ATP9B: variants seen among roughly 807,000 people sequenced by gnomAD.
ATP9B encodes the protein probable phospholipid-transporting ATPase IIB.
A neutral mutation model predicts 146.1 loss-of-function variants in ATP9B; 110 were observed. The observed-to-expected ratio is 0.75, with a 90% CI of 0.65 to 0.88. The LOEUF (loss-of-function observed/expected upper bound fraction) is 0.88, where lower values mean the gene tolerates loss of function less well. Ranked by LOEUF, ATP9B falls within the 40% of genes least tolerant of loss-of-function variation. ATP9B has a pLI of 0.00. For missense variants in ATP9B, 1,499 were observed against 1,496.4 expected (o/e 1.00, Z -0.03); for synonymous variants, 604 against 569.7 (o/e 1.06, Z -0.86).
At chr18:79,076,574 A>C (rs2072644556) in intron 1 of ATP9B, among the ~76,000 whole-genome samples, 1 of 147,574 alleles carries the variant, frequency 6.8e-6, no homozygotes, top group South Asian at 2.1e-4. Flanking sequence ...TACTACTTTC[A>C]AGCATTTTTT....
At chr18:79,125,882 G>A (rs1263059127) in intron 4 of ATP9B, among the ~76,000 whole-genome samples, 1 of 152,126 alleles carries the variant, frequency 6.6e-6, no homozygotes, top group East Asian at 1.9e-4. Flanking sequence ...AAAAATTTAA[G>A]TGCAGAAATT....
rs185251958 is a variant in ATP9B, at chr18:79,109,468, A to T, written c.294-887A>T. Among the ~76,000 whole-genome samples the T allele has an allele frequency of 5.9e-5, 9 of 152,232 alleles. No homozygotes were observed. In the East Asian group the frequency reaches 1.7e-3, roughly 29 times the overall value. On this transcript the variant is annotated intron_variant, in intron 2 of 29. Transcript: ENST00000426216. ...TAAAATTAAAATATTTACTGCATAG[A>T]TGAAGAGAGCTATGTGGAAATACAG...
At chr18:79,091,370 G>A (rs1267656275) in intron 1 of ATP9B, among the ~76,000 whole-genome samples, 1 of 152,096 alleles carries the variant, frequency 6.6e-6, no homozygotes, top group African/African-American at 2.4e-5. Context: ...GATTGCTTTG[G>A]GTAGTATGGA....
intron 6 of ATP9B, among the ~76,000 whole-genome samples, chr18:79,149,133 G>A (rs1477917785): frequency 6.6e-6 from 1 of 152,148 alleles, no homozygotes; most frequent in Admixed American, 6.5e-5. Context: ...AGTCTCAGCA[G>A]GGTTTTTTTC....
At chr18:79,317,569 A>G (rs562144864) in intron 15 of ATP9B, among the ~76,000 whole-genome samples, 1 of 152,336 alleles carries the variant, frequency 6.6e-6, no homozygotes, top group South Asian at 2.1e-4. Context: ...GGGGTCTAAT[A>G]CAGAAAAAAT....
At chr18:79,224,592 G>C (rs925280283) in intron 11 of ATP9B, among the ~76,000 whole-genome samples, 7 of 152,170 alleles carry the variant, frequency 4.6e-5, no homozygotes, top group Non-Finnish European at 1.0e-4. Context: ...CAGGTCACGT[G>C]TGTGCTGTGT....
At chr18:79,293,262 GA>G (rs2096524818) in intron 13 of ATP9B, among the ~76,000 whole-genome samples, 1 of 151,978 alleles carries the variant, frequency 6.6e-6, no homozygotes, top group African/African-American at 2.4e-5. Flanking sequence ...TCAGCTTTGA[GA>G]AAGTATTCTA....
chr18:79,321,422 G>A (rs1209125038), intron 15 of ATP9B, among the ~76,000 whole-genome samples: 1 of 146,210 alleles, frequency 6.8e-6, no homozygotes, highest in Non-Finnish European at 1.5e-5. Context: ...TCGCTCTATT[G>A]CCCAGGCTGG....
chr18:79,269,849 A>G (rs557611348), intron 12 of ATP9B, among the ~76,000 whole-genome samples: 2 of 152,350 alleles, frequency 1.3e-5, no homozygotes, highest in Non-Finnish European at 2.9e-5. Context: ...AAGCAGGCTC[A>G]CTGGCCTGCG....
At position 79,377,571 on chromosome 18, in the gene ATP9B, C is replaced by T; in HGVS notation, c.*188C>T. ...CTCCTTCTCAGTGCAGGGACGTCAC[C>T]CCTGCCAGGCAAGCCCAGGGCACAG... On this transcript the variant is annotated 3_prime_UTR_variant, in exon 30 of 30. Transcript: ENST00000426216. 1 of 743,678 alleles carries T rather than the reference C, an allele frequency of 1.3e-6. No homozygotes were observed. The highest frequency in any genetic ancestry group is 2.1e-6 in the Non-Finnish European group (1 of 470,472). 46.1% of individuals were successfully genotyped at this position (743,678 alleles called of 1,614,324 possible). A position where few individuals can be genotyped will look rare whatever the true frequency, so the allele number is the denominator to read the frequency against.
At chr18:79,373,739 T>C (rs1341131792) in intron 27 of ATP9B, among the ~76,000 whole-genome samples, 159 bp from the exon 28 acceptor site, 1 of 152,184 alleles carries the variant, frequency 6.6e-6, no homozygotes, top group African/African-American at 2.4e-5. Context: ...TCCACCCGCC[T>C]CAGCCTCCCA....
intron 7 of ATP9B, among the ~76,000 whole-genome samples, chr18:79,161,292 C>T (rs189522753): frequency 1.3e-5 from 2 of 152,276 alleles, no homozygotes; most frequent in Non-Finnish European, 2.9e-5. Flanking sequence ...GAGAATCACT[C>T]TTCATAGTGG....
intron 7 of ATP9B, among the ~76,000 whole-genome samples, chr18:79,155,709 T>TG (rs2094765424): frequency 6.6e-6 from 1 of 151,666 alleles, no homozygotes; most frequent in Non-Finnish European, 1.5e-5. Flanking sequence ...AACAACATAC[T>TG]TTTAGAAGGG....
rs1192055855 is a variant in ATP9B, at chr18:79,248,892, A to G, written c.1108-4489A>G. On this transcript the variant is annotated intron_variant, in intron 11 of 29. Transcript: ENST00000426216. ...TGACATCATCAGCAGTAAGTGTTGC[A>G]CAGGCACTTTGTTGAATCATGGATA... 2.0e-5 allele frequency among the ~76,000 whole-genome samples: 3 copies of G among 152,214 alleles called. No homozygotes were observed. The East Asian group carries it at 5.8e-4, about 29-fold the overall frequency.
chr18:79,173,194 T>C (rs186165273), intron 7 of ATP9B, among the ~76,000 whole-genome samples: 179 of 152,356 alleles, frequency 1.2e-3, no homozygotes, highest in Non-Finnish European at 2.0e-3. Flanking sequence ...TTTTAAACTA[T>C]TGATATTGAG....
At chr18:79,323,994 T>C (rs1457587139) in intron 15 of ATP9B, among the ~76,000 whole-genome samples, 1 of 152,228 alleles carries the variant, frequency 6.6e-6, no homozygotes, top group Non-Finnish European at 1.5e-5. Context: ...CCGTTTTAAC[T>C]GGGGTGAGGT....
intron 15 of ATP9B, among the ~76,000 whole-genome samples, chr18:79,317,704 G>C (rs1021150151): frequency 2.6e-5 from 4 of 152,198 alleles, no homozygotes; most frequent in Admixed American, 2.0e-4. Context: ...GTAAGTTCAG[G>C]ATTATGCTGG....
At chr18:79,284,449 G>A (rs1392345810) in intron 13 of ATP9B, among the ~76,000 whole-genome samples, 1 of 152,148 alleles carries the variant, frequency 6.6e-6, no homozygotes, top group African/African-American at 2.4e-5. Flanking sequence ...TGCAGAGACT[G>A]TATTTAACTT....
chr18:79,377,335 C>T lies in ATP9B; in HGVS notation c.3396C>T (p.Tyr1132=), dbSNP rs770093294. The T allele has an allele frequency of 1.3e-5, 21 of 1,611,536 alleles. No homozygotes were observed. The East Asian group carries it at 4.0e-4, about 31-fold the overall frequency. The change falls in exon 30 of 30, where the codon TAC becomes TAT. Residue 1132 remains tyrosine (Y), a synonymous_variant. Coordinates refer to ENST00000426216, the MANE Select transcript of ATP9B (RefSeq NM_198531.5). Reference sequence around the variant, plus strand: ...GCCTCCCGCTGTATGTCCTCAAGTACCTGAGGCGCAAGCTCTCTCCTCCCA... The same window carrying T: ...GCCTCCCGCTGTATGTCCTCAAGTATCTGAGGCGCAAGCTCTCTCCTCCCA... ...VSCLPLYVLK[Y]LRRKLSPPSY...
Sources: gnomAD v4.1 joint callset for allele counts (sites outside exome capture counted in the v4.1 genomes callset) on GRCh38, gnomAD v4.1.1 for gene constraint, MANE v1.5 for transcripts, NCBI Gene and HGNC (gene_info 2026-07-23, HGNC 2026-07-21) for gene names.